CALCR: variants seen among roughly 807,000 people sequenced by gnomAD.
The protein encoded by CALCR is calcitonin receptor.
In CALCR, 47 loss-of-function variants were observed where a neutral mutation model predicts 59.5. That is an observed-to-expected ratio of 0.79 (90% CI 0.63 to 1.01). The LOEUF (loss-of-function observed/expected upper bound fraction) is 1.01. Ranked by LOEUF, CALCR falls within the 50% of genes least tolerant of loss-of-function variation. The pLI is 0.00. For synonymous variants in CALCR, 213 were observed against 211.3 expected, an observed-to-expected ratio of 1.01 and a Z score of -0.07; for missense variants, 566 against 597.1, an observed-to-expected ratio of 0.95 and a Z score of 0.54.
At chr7:93,513,118 G>A (rs1801582073) in intron 2 of CALCR, among the ~76,000 whole-genome samples, 1 of 152,050 alleles carries the variant, frequency 6.6e-6, no homozygotes, top group Non-Finnish European at 1.5e-5. Context: ...GCCTGGAAAT[G>A]CCACTTCCTT....
chr7:93,431,028 G>C (rs1421896061), intron 13 of CALCR, among the ~76,000 whole-genome samples: 1 of 152,190 alleles, frequency 6.6e-6, no homozygotes, highest in Non-Finnish European at 1.5e-5. Context: ...TCTGCAGATA[G>C]TGTTTTACTA....
At position 93,424,589 on chromosome 7, in the gene CALCR, A is replaced by T. The variant is rs1320756832; in HGVS notation, c.*1767T>A. The stretch of plus-strand genomic sequence containing the variant: ...TAATTTATACATATACACAAGCATA[A>T]GCATTTCACATAATTTGGGCAGAAC... On this transcript the variant is annotated 3_prime_UTR_variant, in exon 14 of 14. Transcript: ENST00000426151. 1.3e-5 allele frequency: 2 copies of T among 152,652 alleles called. No individual in the cohort carries two copies. The highest frequency in any genetic ancestry group is 6.5e-5 in the Admixed American group (1 of 15,288). The allele number at this position is 152,652 out of a possible 1,614,324, so 9.5% of individuals were successfully genotyped here.
At chr7:93,506,584 AC>A (rs1374552045) in intron 2 of CALCR, among the ~76,000 whole-genome samples, 7 of 152,244 alleles carry the variant, frequency 4.6e-5, no homozygotes, top group South Asian at 4.1e-4. Context: ...ATAACACGCT[AC>A]CAAATATCCA....
chr7:93,509,184 C>A (rs1266608176), intron 2 of CALCR, among the ~76,000 whole-genome samples: 1 of 152,038 alleles, frequency 6.6e-6, no homozygotes, highest in African/African-American at 2.4e-5. Flanking sequence ...CGTAAGATTC[C>A]CAGGCAAAAT....
chr7:93,501,083 G>C (rs184663424), intron 2 of CALCR, among the ~76,000 whole-genome samples: 1 of 151,930 alleles, frequency 6.6e-6, no homozygotes, highest in East Asian at 1.9e-4. Context: ...TGAGATTAAT[G>C]ATATAAGGGA....
intron 8 of CALCR, among the ~76,000 whole-genome samples, chr7:93,452,234 A>G (rs1309258807): frequency 6.6e-6 from 1 of 152,032 alleles, no homozygotes. Flanking sequence ...GAGTCTCCTC[A>G]GTACTTGTTG....
chr7:93,568,852 A>C (rs564066506), intron 2 of CALCR, among the ~76,000 whole-genome samples: 1 of 152,066 alleles, frequency 6.6e-6, no homozygotes, highest in Admixed American at 6.6e-5. Flanking sequence ...TCTACTTAAC[A>C]TCATCACATG....
chr7:93,481,935 C>A (rs1051947789), intron 3 of CALCR, among the ~76,000 whole-genome samples: 20 of 151,832 alleles, frequency 1.3e-4, no homozygotes, highest in Non-Finnish European at 1.5e-5. Context: ...ATGAGCCCAA[C>A]ATTGTGCCAG....
At chr7:93,432,290 C>T (rs1242726257) in intron 13 of CALCR, among the ~76,000 whole-genome samples, 1 of 152,130 alleles carries the variant, frequency 6.6e-6, no homozygotes, top group Non-Finnish European at 1.5e-5. Flanking sequence ...TGCTAAAACT[C>T]AGTATTCAGC....
chr7:93,498,753 A>G (rs1277033089), intron 2 of CALCR, among the ~76,000 whole-genome samples: 1 of 151,748 alleles, frequency 6.6e-6, no homozygotes, highest in Non-Finnish European at 1.5e-5. Context: ...CACTACATAT[A>G]GACTGTCATA....
At chr7:93,571,572 A>C (rs534913273) in intron 2 of CALCR, among the ~76,000 whole-genome samples, 1 of 152,230 alleles carries the variant, frequency 6.6e-6, no homozygotes, top group East Asian at 1.9e-4. Flanking sequence ...AAACTCAAGC[A>C]GAGCTGTGCC....
rs1388481246 is a variant in CALCR at position 93,495,572 on chromosome 7, T to C, written c.-26-8565A>G. On this transcript the variant is annotated intron_variant, in intron 2 of 13. Coordinates refer to ENST00000426151, the MANE Select transcript of CALCR (RefSeq NM_001742.4). ...TATTATTATTTTTGAACAAAGAGTT[T>C]CACTTTTATACCAGCTTCTTATCTA... Among the ~76,000 whole-genome samples, 3 of 151,416 alleles carry C rather than the reference T, an allele frequency of 2.0e-5. No homozygotes were observed. The East Asian group carries it at 5.8e-4, about 29-fold the overall frequency.
chr7:93,507,938 A>C (rs1302610438), intron 2 of CALCR, among the ~76,000 whole-genome samples: 1 of 151,806 alleles, frequency 6.6e-6, no homozygotes, highest in East Asian at 1.9e-4. Context: ...AAAAGAAAAA[A>C]AAAAGAAAAA....
intron 2 of CALCR, among the ~76,000 whole-genome samples, chr7:93,564,140 T>C (rs1173455020): frequency 6.6e-6 from 1 of 152,166 alleles, no homozygotes; most frequent in East Asian, 1.9e-4. Flanking sequence ...TTGATCAAAG[T>C]TTCACACTTG....
chr7:93,440,654 G>A (rs1225422740), intron 9 of CALCR, among the ~76,000 whole-genome samples: 2 of 151,964 alleles, frequency 1.3e-5, no homozygotes, highest in Middle Eastern at 3.2e-3. Context: ...TCCATCTACG[G>A]AAGTGCAAAT....
Position 93,426,456 on chromosome 7 carries a change from A to G in CALCR, c.1325T>C (p.Ile442Thr). The change falls in exon 14 of 14, where the codon ATC becomes ACC. Residue 442 changes from isoleucine to threonine, a missense_variant. Transcript: ENST00000426151. ...AAEAGDIPIY[I>T]CHQELRNEPA... ...TTCATTCCTCAGCTCCTGATGGCAG[A>G]TGTAAATTGGGATGTCGCCAGCCTC... The G allele has an allele frequency of 6.2e-7, 1 of 1,613,920 alleles. No homozygotes were observed. The highest frequency in any genetic ancestry group is 1.3e-5 in the African/African-American group (1 of 75,018).
At chr7:93,540,877 C>A in intron 2 of CALCR, among the ~76,000 whole-genome samples, 1 of 151,368 alleles carries the variant, frequency 6.6e-6, no homozygotes, top group Non-Finnish European at 1.5e-5. Flanking sequence ...TGTAAATCAA[C>A]TTAATTCAGC....
chr7:93,532,838 CAAAAAAA>C (rs57128008), intron 2 of CALCR, among the ~76,000 whole-genome samples: 1,549 of 95,690 alleles, frequency 0.016, 15 homozygotes, highest in South Asian at 0.064. Flanking sequence ...ATGTCCAAAG[CAAAAAAA>C]AAAAAAAAAA....
chr7:93,539,820 A>T (rs1789084538), intron 2 of CALCR, among the ~76,000 whole-genome samples: 1 of 152,162 alleles, frequency 6.6e-6, no homozygotes, highest in East Asian at 1.9e-4. Flanking sequence ...CTAGAGAGTA[A>T]GAAGAAAGAA....
Sources: gnomAD v4.1 joint callset for allele counts (sites outside exome capture counted in the v4.1 genomes callset) on GRCh38, gnomAD v4.1.1 for gene constraint, MANE v1.5 for transcripts, NCBI Gene and HGNC (gene_info 2026-07-23, HGNC 2026-07-21) for gene names.